The following SOBP variants were observed in gnomAD, a reference collection of about 807,000 sequenced individuals.
SOBP encodes sine oculis binding protein homolog, also known as sine oculis-binding protein homolog.
A neutral mutation model predicts 53.6 loss-of-function variants in SOBP; 4 were observed. The ratio of observed to expected loss-of-function variants is 0.07; its 90% CI spans 0.04 to 0.17. The LOEUF (loss-of-function observed/expected upper bound fraction) is 0.17. SOBP is among the 10% of genes least tolerant of loss of function. The probability of loss-of-function intolerance (pLI) is 1.00; values close to 1 mark genes in which losing one functional copy is unlikely to be tolerated. For missense variants in SOBP, 1,088 were observed against 1,204.7 expected, an observed-to-expected ratio of 0.90 and a Z score of 1.43; for synonymous variants, 584 against 522.6, an observed-to-expected ratio of 1.12 and a Z score of -1.60.
intron 5 of SOBP, among the ~76,000 whole-genome samples, chr6:107,592,482 C>A (rs1184376596): frequency 6.6e-6 from 1 of 152,134 alleles, no homozygotes; most frequent in Non-Finnish European, 1.5e-5. Context: ...TGCAATTGAC[C>A]AGAGACCCTC....
At chr6:107,636,648 C>A (rs1771057687) in intron 6 of SOBP, among the ~76,000 whole-genome samples, 1 of 152,158 alleles carries the variant, frequency 6.6e-6, no homozygotes. Context: ...TTATTGAGCA[C>A]CTAACTTGTA....
At chr6:107,599,610 GAA>G (rs10685353) in intron 5 of SOBP, among the ~76,000 whole-genome samples, 1 of 138,580 alleles carries the variant, frequency 7.2e-6, no homozygotes, top group Non-Finnish European at 1.6e-5. Context: ...TGATTTTTGA[GAA>G]AAAAAAAAAA....
chr6:107,523,634 C>T (rs1020892264), intron 3 of SOBP, among the ~76,000 whole-genome samples: 1 of 151,486 alleles, frequency 6.6e-6, no homozygotes, highest in African/African-American at 2.5e-5. Context: ...GGTGGCCCCA[C>T]GTGGCCTGCT....
chr6:107,605,701 G>A (rs577075222), intron 5 of SOBP, among the ~76,000 whole-genome samples: 16 of 152,304 alleles, frequency 1.1e-4, no homozygotes, highest in Non-Finnish European at 1.8e-4. Context: ...CAAAATTCAC[G>A]AAATACAGCT....
At chr6:107,579,514 A>G (rs1785337572) in intron 4 of SOBP, among the ~76,000 whole-genome samples, 1 of 152,176 alleles carries the variant, frequency 6.6e-6, no homozygotes, top group African/African-American at 2.4e-5. Context: ...ATGTGCTGGG[A>G]TGAACATGAT....
chr6:107,594,949 C>T (rs1434538452), intron 5 of SOBP, among the ~76,000 whole-genome samples: 1 of 152,208 alleles, frequency 6.6e-6, no homozygotes, highest in Non-Finnish European at 1.5e-5. Context: ...CCAACACATG[C>T]CGCTGCCTTC....
At chr6:107,500,857 C>T (rs1240832650) in intron 1 of SOBP, among the ~76,000 whole-genome samples, 1 of 152,090 alleles carries the variant, frequency 6.6e-6, no homozygotes, top group African/African-American at 2.4e-5. Flanking sequence ...CCTTGGAGTC[C>T]TTTGGCTTCT....
rs549559040 is a variant in SOBP at position 107,518,345 on chromosome 6, G to A, written c.421+11918G>A. On this transcript the variant is annotated intron_variant, in intron 3 of 6. Transcript: ENST00000317357. ...AAATGAAGAAGATTGACAATACCAA[G>A]TTTGAGGAGGATATGGAGCAACTGG... Among the ~76,000 whole-genome samples the A allele has an allele frequency of 1.1e-4, 16 of 152,298 alleles. No individual in the cohort carries two copies. In the South Asian group the frequency reaches 1.7e-3, roughly 16 times the overall value.
chr6:107,590,981 C>T (rs1214778606), intron 5 of SOBP, among the ~76,000 whole-genome samples: 1 of 152,130 alleles, frequency 6.6e-6, no homozygotes, highest in East Asian at 1.9e-4. Flanking sequence ...AGTCCCTTCC[C>T]TGAAGGAGCA....
At chr6:107,589,665 T>G (rs531410699) in intron 5 of SOBP, among the ~76,000 whole-genome samples, 2 of 152,376 alleles carry the variant, frequency 1.3e-5, no homozygotes, top group South Asian at 4.1e-4. Context: ...TTTAGCTTTG[T>G]GGCCAAGATC....
rs115169736 is a variant in SOBP, at chr6:107,620,595, A to T, written c.670-12919A>T. The stretch of plus-strand genomic sequence containing the variant: ...TCTGATACAGAAGTAGTTAGCACAC[A>T]GTTCTTTTCCTCCTCCTCTTTGTTC... On this transcript the variant is annotated intron_variant, in intron 5 of 6. Coordinates refer to ENST00000317357, the MANE Select transcript of SOBP (RefSeq NM_018013.4). Among the ~76,000 whole-genome samples, 907 of 152,300 alleles carry T rather than the reference A, an allele frequency of 6.0e-3. 8 individuals carry two copies. Among genetic ancestry groups the T allele is most frequent in the South Asian group, 0.019 (92 of 4,812 alleles).
At chr6:107,614,938 C>T (rs946181301) in intron 5 of SOBP, among the ~76,000 whole-genome samples, 4 of 152,134 alleles carry the variant, frequency 2.6e-5, no homozygotes, top group South Asian at 2.1e-4. Flanking sequence ...GATTTGTTTC[C>T]GTCTGGTTAT....
intron 4 of SOBP, among the ~76,000 whole-genome samples, chr6:107,554,666 A>G (rs1337600480): frequency 6.6e-6 from 1 of 152,236 alleles, no homozygotes; most frequent in Non-Finnish European, 1.5e-5. Flanking sequence ...CACAAAGGAC[A>G]CAGAGTGGGT....
At chr6:107,575,373 G>T (rs774504462) in intron 4 of SOBP, among the ~76,000 whole-genome samples, 8 of 152,312 alleles carry the variant, frequency 5.3e-5, no homozygotes, top group Non-Finnish European at 1.0e-4. Flanking sequence ...CCATGAAGTA[G>T]TCACTGAGTT....
intron 4 of SOBP, among the ~76,000 whole-genome samples, chr6:107,565,423 G>A (rs1278194536): frequency 6.6e-6 from 1 of 151,392 alleles, no homozygotes; most frequent in Non-Finnish European, 1.5e-5. Flanking sequence ...CCACCTCTTC[G>A]TGGAATCCAG....
At chr6:107,492,820 A>G (rs528733355) in intron 1 of SOBP, among the ~76,000 whole-genome samples, 2 of 152,162 alleles carry the variant, frequency 1.3e-5, no homozygotes. Context: ...TTACACGGCA[A>G]ATAACTCAAT....
chr6:107,507,316 GT>G (rs1373664453), intron 3 of SOBP, among the ~76,000 whole-genome samples: 1 of 151,810 alleles, frequency 6.6e-6, no homozygotes, highest in Admixed American at 6.6e-5. Flanking sequence ...AAATTTTTTT[GT>G]TTTTTGAGAC....
chr6:107,608,892 G>A (rs1052217255), intron 5 of SOBP, among the ~76,000 whole-genome samples: 4 of 152,164 alleles, frequency 2.6e-5, no homozygotes, highest in Non-Finnish European at 4.4e-5. Context: ...GAGTTTGTTC[G>A]ATTTGGCATC....
intron 3 of SOBP, among the ~76,000 whole-genome samples, chr6:107,512,896 G>C (rs1426190049): frequency 2.0e-5 from 3 of 152,102 alleles, no homozygotes; most frequent in African/African-American, 7.2e-5. Context: ...TTTCCCAGAG[G>C]CTTACAACTT....
Sources: allele counts gnomAD v4.1 joint callset (sites outside exome capture counted in the v4.1 genomes callset), GRCh38; gene constraint gnomAD v4.1.1; transcripts MANE v1.5; gene names NCBI Gene and HGNC (gene_info 2026-07-23, HGNC 2026-07-21).